Variants in TCAF1 observed in about 807,000 individuals in gnomAD.
TCAF1 encodes the protein TRPM8 channel associated factor 1.
Under a neutral mutation model 27.3 loss-of-function variants are expected in TCAF1, and 4 were observed. The observed-to-expected ratio is 0.15, with a 90% CI of 0.07 to 0.34. The LOEUF is 0.34. Ranked by LOEUF, TCAF1 falls within the 10% of genes least tolerant of loss-of-function variation. TCAF1 has a pLI of 1.00. For synonymous variants in TCAF1, 105 were observed against 167.1 expected (o/e 0.63, Z 2.87); for missense variants, 257 against 425.8 (o/e 0.60, Z 3.49).
rs180781586 is a variant in TCAF1, at chr7:143,892,090, C to T, written c.-15+9871G>A. Reference sequence around the variant, plus strand: ...GAAAGCATTTTCCACTAGAATATAACTACTAAAACTAATTTTTTATGAAAA... The same window carrying T: ...GAAAGCATTTTCCACTAGAATATAATTACTAAAACTAATTTTTTATGAAAA... On this transcript the variant is annotated intron_variant, in intron 1 of 8. Transcript: ENST00000479870. Among the ~76,000 whole-genome samples, 396 of 152,184 alleles carry T rather than the reference C, an allele frequency of 2.6e-3. 1 individual carries two copies. The highest frequency in any genetic ancestry group is 3.7e-3 in the Non-Finnish European group (251 of 67,988).
In TCAF1 at chr7:143,859,920, ATATAT is replaced by A. The variant is rs1563211359; in HGVS notation, c.2167+283_2167+287del. Among the ~76,000 whole-genome samples the A allele has an allele frequency of 8.4e-4, 63 of 74,980 alleles. 5 individuals carry two copies. Among genetic ancestry groups the A allele is most frequent in the South Asian group, 2.3e-3 (6 of 2,590 alleles). The allele number at this position is 74,980 out of a possible 152,430, so 49.2% of individuals were successfully genotyped here. On this transcript the variant is annotated intron_variant, in intron 6 of 8. Coordinates refer to ENST00000479870, the MANE Select transcript of TCAF1 (RefSeq NM_014719.3). The stretch of plus-strand genomic sequence containing the variant: ...TATTATATAATATATATTACGGAAT[ATATAT>A]TATATAATATATATTATATAATATA...
At chr7:143,901,646 C>A (rs1274166830) in intron 1 of TCAF1, among the ~76,000 whole-genome samples, 1 of 152,194 alleles carries the variant, frequency 6.6e-6, no homozygotes, top group East Asian at 1.9e-4. Context: ...AAGCCCCCAG[C>A]TGGCGAGATC....
intron 1 of TCAF1, among the ~76,000 whole-genome samples, chr7:143,878,537 A>G (rs1010266243): frequency 8.5e-5 from 13 of 152,194 alleles, no homozygotes; most frequent in African/African-American, 2.4e-4. Flanking sequence ...CTAAACTAAA[A>G]AAGTCTTGAA....
chr7:143,865,320 AT>A (rs1221510538), intron 2 of TCAF1, among the ~76,000 whole-genome samples: 7 of 96,948 alleles, frequency 7.2e-5, no homozygotes, highest in East Asian at 2.8e-4. Context: ...TCATGCAATT[AT>A]TTTTTTTTAA....
intron 1 of TCAF1, among the ~76,000 whole-genome samples, chr7:143,895,454 A>C (rs1428743622): frequency 1.3e-5 from 2 of 151,898 alleles, no homozygotes; most frequent in African/African-American, 2.4e-5. Context: ...TTGGACCAAT[A>C]TATCATGACA....
chr7:143,851,428 G>T lies in TCAF1; in HGVS notation c.*2705C>A, dbSNP rs1811277647. 6.6e-6 allele frequency: 1 copy of T among 152,260 alleles called. No individual in the cohort carries two copies. 9.4% of individuals were successfully genotyped at this position (152,260 alleles called of 1,614,324 possible). A position where few individuals can be genotyped will look rare whatever the true frequency, so the allele number is the denominator to read the frequency against. On this transcript the variant is annotated 3_prime_UTR_variant, in exon 9 of 9. Transcript: ENST00000479870. ...TTTTTCAAAGTAATACATGCACAAG[G>T]TAAAAAATTAAATAGTACAGAAGGA... is the stretch of plus-strand genomic sequence containing the variant.
At chr7:143,893,672 GA>G (rs572752268) in intron 1 of TCAF1, among the ~76,000 whole-genome samples, 53 of 151,778 alleles carry the variant, frequency 3.5e-4, no homozygotes, top group Non-Finnish European at 5.9e-4. Context: ...TTAGGTCAGA[GA>G]AGAAATCACA....
In TCAF1 at chr7:143,875,269, CCT is replaced by C. The variant is rs1812631376; in HGVS notation, c.620+718_620+719del. Among the ~76,000 whole-genome samples, 11 of 152,072 alleles carry C rather than the reference CCT, an allele frequency of 7.2e-5. No individual in the cohort carries two copies. In the South Asian group the frequency reaches 2.3e-3, roughly 32 times the overall value. ...CCCGGGACTAATCCAGCTTATAATC[CCT>C]CTCATTCATTCATGCAGTCATGCAT... On this transcript the variant is annotated intron_variant, in intron 2 of 8. Transcript: ENST00000479870.
intron 6 of TCAF1, among the ~76,000 whole-genome samples, chr7:143,859,889 A>AT (rs1189129653): frequency 4.6e-5 from 4 of 86,728 alleles, no homozygotes; most frequent in African/African-American, 1.4e-4. Flanking sequence ...ACATATATAT[A>AT]ATATATATTA....
At chr7:143,898,494 T>C (rs1465000169) in intron 1 of TCAF1, among the ~76,000 whole-genome samples, 1 of 152,158 alleles carries the variant, frequency 6.6e-6, no homozygotes, top group African/African-American at 2.4e-5. Context: ...TCAAGTTTGA[T>C]TGATATATAA....
rs1812244914 is a variant in TCAF1, at chr7:143,867,644, A to G, written c.621-3848T>C. ...ATTTACTTTTTAAAAATAAAGCTCA[A>G]TTTATTAATCTTTTCCTTTTATGGT... is the stretch of plus-strand genomic sequence containing the variant. On this transcript the variant is annotated intron_variant, in intron 2 of 8. Transcript: ENST00000479870. Among the ~76,000 whole-genome samples, 2 of 97,570 alleles carry G rather than the reference A, an allele frequency of 2.0e-5. 1 individual carries two copies. The highest frequency in any genetic ancestry group is 9.5e-4 in the South Asian group (2 of 2,106). The allele number at this position is 97,570 out of a possible 152,430, so 64.0% of individuals were successfully genotyped here.
rs1563211462 is a variant in TCAF1, at chr7:143,859,930, TA to T, written c.2167+277del. ...TATATATTACGGAATATATATTATA[TA>T]ATATATATTATATAATATATATTAC... On this transcript the variant is annotated intron_variant, in intron 6 of 8. Coordinates refer to ENST00000479870, the MANE Select transcript of TCAF1 (RefSeq NM_014719.3). 2.3e-3 allele frequency among the ~76,000 whole-genome samples: 134 copies of T among 57,412 alleles called. 3 individuals carry two copies. Among genetic ancestry groups the T allele is most frequent in the Non-Finnish European group, 3.3e-3 (106 of 32,010 alleles). 37.7% of individuals were successfully genotyped at this position (57,412 alleles called of 152,430 possible). A position where few individuals can be genotyped will look rare whatever the true frequency, so the allele number is the denominator to read the frequency against.
chr7:143,882,779 G>C (rs1218563790), intron 1 of TCAF1: 9 of 985,890 alleles, frequency 9.1e-6, no homozygotes, highest in Non-Finnish European at 9.6e-6. Flanking sequence ...GGAGCGGGCA[G>C]AGCCTGGCGC....
rs1811353556 is a variant in TCAF1 at position 143,852,482 on chromosome 7, A to G, written c.*1651T>C. On this transcript the variant is annotated 3_prime_UTR_variant, in exon 9 of 9. Coordinates refer to ENST00000479870, the MANE Select transcript of TCAF1 (RefSeq NM_014719.3). ...TTTTGCTGGAGAATTTCCTCAAGAT[A>G]CTTCCTCAGTAAGGGTGCAAAGGAG... is the stretch of plus-strand genomic sequence containing the variant. The G allele has an allele frequency of 6.5e-6, 1 of 153,388 alleles. No individual in the cohort carries two copies. 9.5% of individuals were successfully genotyped at this position (153,388 alleles called of 1,614,324 possible).
chr7:143,869,543 GCTGTTTTAATAAA>G (rs1812344423), intron 2 of TCAF1, among the ~76,000 whole-genome samples: 1 of 151,750 alleles, frequency 6.6e-6, no homozygotes, highest in Non-Finnish European at 1.5e-5. Flanking sequence ...TTAGAGAAAT[GCTGTTTTAATAAA>G]TCAAGTTGGA....
intron 1 of TCAF1, among the ~76,000 whole-genome samples, chr7:143,897,851 G>A (rs1420970046): frequency 6.6e-6 from 1 of 151,914 alleles, no homozygotes; most frequent in Non-Finnish European, 1.5e-5. Flanking sequence ...TAGCATAAGG[G>A]AGAATACTAT....
chr7:143,885,605 C>A, intron 1 of TCAF1: 1 of 963,282 alleles, frequency 1.0e-6, no homozygotes, highest in Non-Finnish European at 1.2e-6. Context: ...TAATGATGAT[C>A]TCTGTGTAAA....
chr7:143,860,690 T>TTAGC (rs1364982485), intron 5 of TCAF1, among the ~76,000 whole-genome samples: 2 of 152,300 alleles, frequency 1.3e-5, no homozygotes, highest in Non-Finnish European at 2.9e-5. Flanking sequence ...CCAGCATGCA[T>TTAGC]TAGCTATTTA....
chr7:143,878,962 A>T lies in TCAF1; in HGVS notation c.-14-2340T>A, dbSNP rs1412315408. ...AAAACCACTCTAATCATGTTATTTA[A>T]TCTCAAAGCTCCACCTTGGTCTCTG... On this transcript the variant is annotated intron_variant, in intron 1 of 8. Transcript: ENST00000479870. Among the ~76,000 whole-genome samples, 26 of 152,182 alleles carry T rather than the reference A, an allele frequency of 1.7e-4. No homozygotes were observed. In the South Asian group the frequency reaches 5.2e-3, roughly 30 times the overall value.
Sources: gnomAD v4.1 joint callset for allele counts (sites outside exome capture counted in the v4.1 genomes callset) on GRCh38, gnomAD v4.1.1 for gene constraint, MANE v1.5 for transcripts, NCBI Gene and HGNC (gene_info 2026-07-23, HGNC 2026-07-21) for gene names.